The following KMT2E variants were observed in gnomAD, a reference collection of about 807,000 sequenced individuals.
The protein encoded by KMT2E is lysine methyltransferase 2E (inactive), also known as histone reader KMT2E.
Under a neutral mutation model 184.6 loss-of-function variants are expected in KMT2E, and 30 were observed. That is an observed-to-expected ratio of 0.16 (90% confidence interval 0.12 to 0.22). The LOEUF (loss-of-function observed/expected upper bound fraction) is 0.22. Ranked by LOEUF, KMT2E falls within the 10% of genes least tolerant of loss-of-function variation. The pLI, the probability that KMT2E is intolerant of heterozygous loss-of-function variation, is 1.00. For synonymous variants in KMT2E, 815 were observed against 776.5 expected (o/e 1.05, Z -0.82); for missense variants, 2,023 against 2,237.4 (o/e 0.90, Z 1.93).
intron 1 of KMT2E, among the ~76,000 whole-genome samples, chr7:105,018,749 G>A (rs894084130): frequency 6.6e-6 from 1 of 152,002 alleles, no homozygotes; most frequent in Non-Finnish European, 1.5e-5. Flanking sequence ...TTTACTACCT[G>A]TTCTGTAATG....
At chr7:105,041,302 T>C (rs1795869015) in intron 3 of KMT2E, among the ~76,000 whole-genome samples, 1 of 152,190 alleles carries the variant, frequency 6.6e-6, no homozygotes, top group Non-Finnish European at 1.5e-5. Context: ...AAGCGATACA[T>C]TTTTTACCAA....
intron 3 of KMT2E, among the ~76,000 whole-genome samples, chr7:105,042,653 T>A (rs900242881): frequency 6.6e-6 from 1 of 152,204 alleles, no homozygotes; most frequent in Non-Finnish European, 1.5e-5. Context: ...ATTTAGTTAA[T>A]AGAGGAGTAA....
intron 3 of KMT2E, among the ~76,000 whole-genome samples, chr7:105,053,207 G>T (rs1796417495): frequency 6.6e-6 from 1 of 152,018 alleles, no homozygotes; most frequent in South Asian, 2.1e-4. Context: ...TTAGGAAACT[G>T]GCAGAATTAA....
chr7:105,051,732 C>T (rs1292394467), intron 3 of KMT2E, among the ~76,000 whole-genome samples: 1 of 152,066 alleles, frequency 6.6e-6, no homozygotes, highest in East Asian at 1.9e-4. Context: ...AGTTCTCCTG[C>T]CTCAGCCTCC....
chr7:105,017,748 A>G (rs746817514), intron 1 of KMT2E, among the ~76,000 whole-genome samples: 1 of 152,190 alleles, frequency 6.6e-6, no homozygotes, highest in Non-Finnish European at 1.5e-5. Flanking sequence ...GTAGAGAACT[A>G]TAATGTAATT....
chr7:105,064,840 T>C (rs764647959), intron 5 of KMT2E, among the ~76,000 whole-genome samples: 4 of 152,214 alleles, frequency 2.6e-5, no homozygotes, highest in Admixed American at 1.3e-4. Flanking sequence ...GCCAGTCATA[T>C]AGAAAAGCTT....
At chr7:105,022,662 T>A (rs942980822) in intron 1 of KMT2E, among the ~76,000 whole-genome samples, 2 of 152,194 alleles carry the variant, frequency 1.3e-5, no homozygotes, top group African/African-American at 4.8e-5. Context: ...TAGCGTCTGT[T>A]GATGATTCTT....
chr7:105,063,495 G>A lies in KMT2E; in HGVS notation c.331G>A (p.Asp111Asn), dbSNP rs747512226. The change falls in exon 5 of 27, where the codon GAT becomes AAT. Residue 111 changes from aspartate to asparagine, a missense_variant. Asp to Asn is a conservative substitution (Grantham distance 23). Transcript: ENST00000311117. ...SSATTISTSE[D>N]GSYGTDVTRC... is the part of the protein sequence containing the mutation. ...TGCTACTACAATCAGCACATCTGAGGATGGAAGTTATGGTACTGATGTAAC... is the reference window on the plus strand; with the variant it reads ...TGCTACTACAATCAGCACATCTGAGAATGGAAGTTATGGTACTGATGTAAC... 1.2e-6 allele frequency: 2 copies of A among 1,613,776 alleles called. No homozygotes were observed. Among genetic ancestry groups the A allele is most frequent in the Non-Finnish European group, 1.7e-6 (2 of 1,179,838 alleles).
At chr7:105,075,331 G>A (rs1797484706) in intron 8 of KMT2E, among the ~76,000 whole-genome samples, 1 of 151,866 alleles carries the variant, frequency 6.6e-6, no homozygotes, top group African/African-American at 2.4e-5. Flanking sequence ...GGGTTGAGGG[G>A]GATAGGAATT....
chr7:105,043,393 C>T (rs1003321937), intron 3 of KMT2E, among the ~76,000 whole-genome samples: 19 of 151,412 alleles, frequency 1.3e-4, no homozygotes, highest in African/African-American at 4.4e-4. Context: ...CCCGCCACTA[C>T]GCCCGGCTAA....
chr7:105,105,880 G>A lies in KMT2E; in HGVS notation c.2473G>A (p.Glu825Lys). 6.2e-7 allele frequency: 1 copy of A among 1,612,626 alleles called. No individual in the cohort carries two copies. Among genetic ancestry groups the A allele is most frequent in the Non-Finnish European group, 8.5e-7 (1 of 1,179,608 alleles). Reference protein sequence around the residue: ...CKKRWLKQALEEENSAILHRF... With the variant: ...CKKRWLKQALKEENSAILHRF... ...TCAGCGATGGTTGAAACAAGCTCTG[G>A]AAGAAGAAAATTCAGCAATTTTACA... The change falls in exon 19 of 27, where the codon GAA becomes AAA. Residue 825 changes from glutamate (E) to lysine (K), a missense_variant. Around this residue, in one of 8 missense-constraint regions of KMT2E, gnomAD observed 514 missense variants for 621.8 expected, o/e 0.83. Transcript: ENST00000311117.
Position 105,077,236 on chromosome 7 carries a change from T to A in KMT2E, c.999+43T>A, listed in dbSNP as rs753515156. 3.1e-6 allele frequency: 5 copies of A among 1,602,802 alleles called. No individual in the cohort carries two copies. In the African/African-American group the frequency reaches 6.7e-5, roughly 22 times the overall value. Reference sequence around the variant, plus strand: ...CCAAAAATTGTAAAGCAGTTTTATATTGTGAATTTTTAGTTAAACTGAAAA... The same window carrying A: ...CCAAAAATTGTAAAGCAGTTTTATAATGTGAATTTTTAGTTAAACTGAAAA... On this transcript the variant is annotated intron_variant, in intron 10 of 26. Transcript: ENST00000311117.
rs1169711249 is a variant in KMT2E, at chr7:105,106,694, T to C, written c.2769T>C (p.Cys923=). The change falls in exon 20 of 27, where the codon TGT becomes TGC. Residue 923 remains cysteine (C), a synonymous_variant. Coordinates refer to ENST00000311117, the MANE Select transcript of KMT2E (RefSeq NM_182931.3). The part of the protein sequence containing the change: ...PPRIKSDDET[C]RNGYKPIYSP... ...GGATAAAATCAGATGATGAAACTTG[T>C]AGAAATGGTTATAAACCCATATATT... 6.2e-7 allele frequency: 1 copy of C among 1,613,804 alleles called. No individual in the cohort carries two copies. Among genetic ancestry groups the C allele is most frequent in the South Asian group, 1.1e-5 (1 of 91,078 alleles).
At chr7:105,057,302 T>G (rs1796607100) in intron 3 of KMT2E, among the ~76,000 whole-genome samples, 1 of 152,228 alleles carries the variant, frequency 6.6e-6, no homozygotes, top group South Asian at 2.1e-4. Context: ...AGAACTTTTT[T>G]ATTTCCACTT....
At chr7:105,045,902 C>T (rs978655259) in intron 3 of KMT2E, among the ~76,000 whole-genome samples, 48 of 152,140 alleles carry the variant, frequency 3.2e-4, no homozygotes, top group African/African-American at 1.0e-3. Context: ...CTTTTTATGG[C>T]ATGATCTCCT....
chr7:105,063,326 G>T, intron 4 of KMT2E, 25 bp from the exon 5 acceptor site: 2 of 1,440,672 alleles, frequency 1.4e-6, no homozygotes, highest in Non-Finnish European at 9.6e-7. Flanking sequence ...ATAATATTGT[G>T]CTATATTTGT....
At position 105,113,075 on chromosome 7, in the gene KMT2E, G is replaced by C. The variant is rs369015069; in HGVS notation, c.5319G>C (p.Pro1773=). The C allele has an allele frequency of 6.2e-7, 1 of 1,613,984 alleles. No individual in the cohort carries two copies. The highest frequency in any genetic ancestry group is 8.5e-7 in the Non-Finnish European group (1 of 1,179,982). The change falls in exon 27 of 27, where the codon CCG becomes CCC. Residue 1773 remains proline (P), a synonymous_variant. Transcript: ENST00000311117. The part of the protein sequence containing the change: ...SQATHHTTLG[P]GPQHQPSGTG... ...CTACACATCATACCACTTTGGGACC[G>C]GGACCCCAGCACCAGCCTTCTGGAA...
At chr7:105,059,988 T>TTTG (rs1796739862) in intron 3 of KMT2E, among the ~76,000 whole-genome samples, 1 of 64,386 alleles carries the variant, frequency 1.6e-5, no homozygotes, top group Non-Finnish European at 2.5e-5. Flanking sequence ...GTTTTTTTTT[T>TTTG]TTTTTTTTTT....
chr7:105,023,402 CAA>C (rs1158885663), intron 1 of KMT2E, among the ~76,000 whole-genome samples: 51 of 55,900 alleles, frequency 9.1e-4, no homozygotes, highest in African/African-American at 2.6e-3. Context: ...GACTCTGTCT[CAA>C]AAAAAAAAAA....
Sources: allele counts gnomAD v4.1 joint callset (sites outside exome capture counted in the v4.1 genomes callset), GRCh38; gene constraint gnomAD v4.1.1; regional missense constraint gnomAD v4.1.1; transcripts MANE v1.5; gene names NCBI Gene and HGNC (gene_info 2026-07-23, HGNC 2026-07-21).